The following UGT2B17 variants were observed in gnomAD, a reference collection of about 807,000 sequenced individuals.
UGT2B17 encodes UDP glucuronosyltransferase family 2 member B17.
A neutral mutation model predicts 48.2 loss-of-function variants in UGT2B17; 21 were observed. The observed-to-expected ratio is 0.44, with a 90% CI of 0.31 to 0.63. The LOEUF is 0.63. Ranked by LOEUF, UGT2B17 falls within the 20% of genes least tolerant of loss-of-function variation. The pLI is 0.08. For synonymous variants in UGT2B17, 146 were observed against 238.4 expected, an observed-to-expected ratio of 0.61 and a Z score of 3.57; for missense variants, 402 against 696.1, an observed-to-expected ratio of 0.58 and a Z score of 4.75.
Position 68,565,634 on chromosome 4 carries a change from A to G in UGT2B17, c.811T>C (p.Phe271Leu). 7.3e-7 allele frequency: 1 copy of G among 1,371,152 alleles called. No individual in the cohort carries two copies. 84.9% of individuals were successfully genotyped at this position (1,371,152 alleles called of 1,614,324 possible). A position where few individuals can be genotyped will look rare whatever the true frequency, so the allele number is the denominator to read the frequency against. Residue 271 changes from phenylalanine to leucine, a missense_variant, in exon 3 of 7, where the codon TTC (phenylalanine) becomes CTC (leucine). Around this residue, in one of 5 missense-constraint regions of UGT2B17, gnomAD observed 106 missense variants for 169.8 expected, o/e 0.62. Coordinates refer to ENST00000317746, the MANE Select transcript of UGT2B17 (RefSeq NM_001077.4). ...CCAACAAAATCAACATTTGGTAAGAATGGGCGAGGAAATTCAAAATCCCAA... is the reference window on the plus strand; with the variant it reads ...CCAACAAAATCAACATTTGGTAAGAGTGGGCGAGGAAATTCAAAATCCCAA... ...TYWDFEFPRP[F>L]LPNVDFVGGL... is the part of the protein sequence containing the mutation.
chr4:68,558,802 C>A (rs531000257), intron 4 of UGT2B17, among the ~76,000 whole-genome samples: 1 of 125,398 alleles, frequency 8.0e-6, no homozygotes, highest in African/African-American at 2.7e-5. Flanking sequence ...AGTCACTAAG[C>A]AAATCACTGC....
intron 6 of UGT2B17, among the ~76,000 whole-genome samples, chr4:68,541,418 T>C (rs2109758552): frequency 7.9e-6 from 1 of 127,158 alleles, no homozygotes; most frequent in South Asian, 3.6e-4. Context: ...GCTTTTCTCA[T>C]AAGTGTGTTG....
rs773713159 is a variant in UGT2B17 at position 68,537,810 on chromosome 4, G to A, written c.1408C>T (p.Arg470Cys). 92 of 1,379,556 alleles carry A rather than the reference G, an allele frequency of 6.7e-5. 22 individuals carry two copies. Among genetic ancestry groups the A allele is most frequent in the Non-Finnish European group, 8.0e-5 (84 of 1,054,978 alleles). 85.5% of individuals were successfully genotyped at this position (1,379,556 alleles called of 1,614,324 possible). A position where few individuals can be genotyped will look rare whatever the true frequency, so the allele number is the denominator to read the frequency against. The change falls in exon 7 of 7, where the codon CGC becomes TGC. Residue 470 changes from arginine (R) to cysteine (C), a missense_variant. This residue lies in a region of UGT2B17 where 156 missense variants were observed against 258.6 expected (regional missense o/e 0.60). Transcript: ENST00000317746. Reference sequence around the variant, plus strand: ...CGAAGGTGCTTGGCTCCTTTATGGCGCATGACAAACTCAATCCAGAAGACT... The same window carrying A: ...CGAAGGTGCTTGGCTCCTTTATGGCACATGACAAACTCAATCCAGAAGACT... ...RAVFWIEFVM[R>C]HKGAKHLRVA...
chr4:68,564,750 G>C lies in UGT2B17; in HGVS notation c.873+822C>G, dbSNP rs1229712634. The stretch of plus-strand genomic sequence containing the variant: ...GAGTCTCACTCCGTCGCACAGGCTA[G>C]AGTTCAGTGGTGTGGTCTCAGCTCA... On this transcript the variant is annotated intron_variant, in intron 3 of 6. Coordinates refer to ENST00000317746, the MANE Select transcript of UGT2B17 (RefSeq NM_001077.4). 3.2e-5 allele frequency among the ~76,000 whole-genome samples: 4 copies of C among 125,588 alleles called. 1 individual carries two copies. 82.4% of individuals were successfully genotyped at this position (125,588 alleles called of 152,430 possible). A position where few individuals can be genotyped will look rare whatever the true frequency, so the allele number is the denominator to read the frequency against.
chr4:68,554,644 T>G, intron 4 of UGT2B17, among the ~76,000 whole-genome samples: 1 of 125,874 alleles, frequency 7.9e-6, no homozygotes, highest in Non-Finnish European at 1.7e-5. Flanking sequence ...TTCTATAATT[T>G]TATGTTTAAT....
chr4:68,542,377 TAA>T lies in UGT2B17; in HGVS notation c.1314-4475_1314-4474del, dbSNP rs1225611392. Reference sequence around the variant, plus strand: ...CTCTTTTTTGGTTCCATATTAAATTTAAAGTAGTTTTTTTCTAGCTCTGTGAG... The same window carrying T: ...CTCTTTTTTGGTTCCATATTAAATTTAGTAGTTTTTTTCTAGCTCTGTGAG... On this transcript the variant is annotated intron_variant, in intron 6 of 6. Transcript: ENST00000317746. Among the ~76,000 whole-genome samples, 2 of 126,396 alleles carry T rather than the reference TAA, an allele frequency of 1.6e-5. 1 individual carries two copies. The highest frequency in any genetic ancestry group is 3.3e-5 in the Non-Finnish European group (2 of 59,726). The allele number at this position is 126,396 out of a possible 152,430, so 82.9% of individuals were successfully genotyped here.
Position 68,537,981 on chromosome 4 carries a change from T to A in UGT2B17, c.1314-77A>T. 4 of 1,038,562 alleles carry A rather than the reference T, an allele frequency of 3.9e-6. 1 individual carries two copies. The highest frequency in any genetic ancestry group is 5.0e-6 in the Non-Finnish European group (4 of 804,176). The allele number at this position is 1,038,562 out of a possible 1,614,324, so 64.3% of individuals were successfully genotyped here. ...GCATATCAAGTCTATGGATGGTCTT[T>A]GAAAAGCGCCACACAAGTGATTCAA... On this transcript the variant is annotated intron_variant, in intron 6 of 6. Transcript: ENST00000317746.
chr4:68,558,272 T>C (rs188639110), intron 4 of UGT2B17, among the ~76,000 whole-genome samples: 1,683 of 121,238 alleles, frequency 0.014, 254 homozygotes, highest in African/African-American at 0.042. Context: ...TGTTTTTCAA[T>C]TTTTATTACT....
At position 68,567,404 on chromosome 4, in the gene UGT2B17, T is replaced by C. The variant is rs776601190; in HGVS notation, c.724+357A>G. ...TTGATAATATTTTTAGAAATATGTGTAAATATAAAATTTGTATGTCTGCCT... is the reference window on the plus strand; with the variant it reads ...TTGATAATATTTTTAGAAATATGTGCAAATATAAAATTTGTATGTCTGCCT... On this transcript the variant is annotated intron_variant, in intron 2 of 6. Transcript: ENST00000317746. Among the ~76,000 whole-genome samples the C allele has an allele frequency of 1.7e-4, 22 of 127,000 alleles. 4 individuals carry two copies. The highest frequency in any genetic ancestry group is 3.5e-4 in the Non-Finnish European group (21 of 59,828). 83.3% of individuals were successfully genotyped at this position (127,000 alleles called of 152,430 possible). A position where few individuals can be genotyped will look rare whatever the true frequency, so the allele number is the denominator to read the frequency against.
chr4:68,546,256 C>G (rs1730803366), intron 6 of UGT2B17, among the ~76,000 whole-genome samples: 1 of 126,216 alleles, frequency 7.9e-6, no homozygotes, highest in African/African-American at 2.7e-5. Context: ...CCCTGGGATG[C>G]AAGGCTAGTT....
chr4:68,565,514 T>C lies in UGT2B17; in HGVS notation c.873+58A>G. The C allele has an allele frequency of 1.6e-6, 2 of 1,268,106 alleles. 1 individual carries two copies. Among genetic ancestry groups the C allele is most frequent in the South Asian group, 4.0e-5 (2 of 49,690 alleles). 78.6% of individuals were successfully genotyped at this position (1,268,106 alleles called of 1,614,324 possible). On this transcript the variant is annotated intron_variant, in intron 3 of 6. Transcript: ENST00000317746. ...TGAGTTAAACACTCTGAAAGAAACA[T>C]ATCCAGCCATTCCTTCTGAAAATGT...
intron 4 of UGT2B17, among the ~76,000 whole-genome samples, chr4:68,556,121 T>G (rs1175050443): frequency 8.1e-6 from 1 of 123,846 alleles, no homozygotes; most frequent in Admixed American, 8.3e-5. Flanking sequence ...AACTTTTATA[T>G]GATCAAGTTG....
At chr4:68,561,180 G>C (rs1731095922) in intron 3 of UGT2B17, among the ~76,000 whole-genome samples, 1 of 123,052 alleles carries the variant, frequency 8.1e-6, no homozygotes, top group Admixed American at 8.5e-5. Context: ...GTTACAATTA[G>C]AATGATTTTA....
chr4:68,564,825 A>C lies in UGT2B17; in HGVS notation c.873+747T>G, dbSNP rs1484331232. Reference sequence around the variant, plus strand: ...AGCAAGCCTCCTGCCTCAGCCTCTTAAGTAGCTGGGACTATGAGACTACAG... The same window carrying C: ...AGCAAGCCTCCTGCCTCAGCCTCTTCAGTAGCTGGGACTATGAGACTACAG... On this transcript the variant is annotated intron_variant, in intron 3 of 6. Coordinates refer to ENST00000317746, the MANE Select transcript of UGT2B17 (RefSeq NM_001077.4). 4.8e-5 allele frequency among the ~76,000 whole-genome samples: 6 copies of C among 125,260 alleles called. 1 individual carries two copies. Among genetic ancestry groups the C allele is most frequent in the African/African-American group, 1.6e-4 (6 of 36,568 alleles). The allele number at this position is 125,260 out of a possible 152,430, so 82.2% of individuals were successfully genotyped here.
rs2109756987 is a variant in UGT2B17, at chr4:68,539,108, A to G, written c.1314-1204T>C. Among the ~76,000 whole-genome samples the G allele has an allele frequency of 1.6e-5, 2 of 126,464 alleles. 1 individual carries two copies. Among genetic ancestry groups the G allele is most frequent in the African/African-American group, 5.4e-5 (2 of 37,236 alleles). The allele number at this position is 126,464 out of a possible 152,430, so 83.0% of individuals were successfully genotyped here. ...CTTCCACAATAAAAGTTTAAGTATG[A>G]AATACATAGGATAAATGTATATACG... is the stretch of plus-strand genomic sequence containing the variant. On this transcript the variant is annotated intron_variant, in intron 6 of 6. Coordinates refer to ENST00000317746, the MANE Select transcript of UGT2B17 (RefSeq NM_001077.4).
In UGT2B17 at chr4:68,558,318, C is replaced by A. The variant is rs568280358; in HGVS notation, c.1005+2219G>T. Among the ~76,000 whole-genome samples the A allele has an allele frequency of 5.6e-5, 7 of 123,990 alleles. 3 individuals carry two copies. In the South Asian group the frequency reaches 2.3e-3, roughly 41 times the overall value. The allele number at this position is 123,990 out of a possible 152,430, so 81.3% of individuals were successfully genotyped here. A position where few individuals can be genotyped will look rare whatever the true frequency, so the allele number is the denominator to read the frequency against. On this transcript the variant is annotated intron_variant, in intron 4 of 6. Coordinates refer to ENST00000317746, the MANE Select transcript of UGT2B17 (RefSeq NM_001077.4). ...TGGACTGAATTCTAATTTTTCATGG[C>A]TACACGTCTTCAAAATAGTGTCTTC... is the stretch of plus-strand genomic sequence containing the variant.
At chr4:68,556,265 A>G (rs1730998222) in intron 4 of UGT2B17, among the ~76,000 whole-genome samples, 1 of 116,174 alleles carries the variant, frequency 8.6e-6, no homozygotes, top group South Asian at 4.3e-4. Flanking sequence ...AAATATTATG[A>G]GTTTTTTTTT....
chr4:68,539,884 A>G (rs1441187274), intron 6 of UGT2B17, among the ~76,000 whole-genome samples: 3 of 116,258 alleles, frequency 2.6e-5, no homozygotes, highest in Non-Finnish European at 3.5e-5. Context: ...TCCTGGGTTC[A>G]AGTGATTCTC....
intron 6 of UGT2B17, among the ~76,000 whole-genome samples, chr4:68,543,252 A>G (rs1365985216): frequency 2.4e-5 from 3 of 125,134 alleles, no homozygotes; most frequent in Non-Finnish European, 5.1e-5. Context: ...CAGAGGAACA[A>G]TCAGACAGCA....
Sources: allele counts gnomAD v4.1 joint callset (sites outside exome capture counted in the v4.1 genomes callset), GRCh38; gene constraint gnomAD v4.1.1; regional missense constraint gnomAD v4.1.1; transcripts MANE v1.5; gene names NCBI Gene and HGNC (gene_info 2026-07-23, HGNC 2026-07-21).